Variants in RBFOX1 observed in about 807,000 individuals in gnomAD.
The protein encoded by RBFOX1 is RNA binding protein fox-1 homolog 1.
Under a neutral mutation model 57.7 loss-of-function variants are expected in RBFOX1, and 8 were observed. That is an observed-to-expected ratio of 0.14 (90% confidence interval 0.08 to 0.25). The LOEUF (loss-of-function observed/expected upper bound fraction) is 0.25. Among genes scored for constraint, RBFOX1 ranks in the 10% least tolerant of loss-of-function variants. The pLI is 1.00. For missense variants in RBFOX1, 611 were observed against 548.5 expected, an observed-to-expected ratio of 1.11 and a Z score of -1.14; for synonymous variants, 326 against 222.4, an observed-to-expected ratio of 1.47 and a Z score of -4.15.
chr16:6,527,950 A>G (rs2096604124), intron 2 of RBFOX1, among the ~76,000 whole-genome samples: 1 of 152,134 alleles, frequency 6.6e-6, no homozygotes, highest in South Asian at 2.1e-4. Flanking sequence ...TTCCCATGGC[A>G]TCGCTGAACC....
intron 3 of RBFOX1, among the ~76,000 whole-genome samples, chr16:5,856,701 C>CCTCATGAG (rs1362589084): frequency 6.7e-6 from 1 of 150,112 alleles, no homozygotes; most frequent in African/African-American, 2.5e-5. Flanking sequence ...TTTTCTTAAA[C>CCTCATGAG]CTCATGAGCC....
intron 1 of RBFOX1, among the ~76,000 whole-genome samples, chr16:5,260,437 A>ATTG (rs2062705814): frequency 6.6e-6 from 1 of 152,242 alleles, no homozygotes; most frequent in Admixed American, 6.5e-5. Context: ...AAGAAGTAGC[A>ATTG]AATTGAATGC....
intron 4 of RBFOX1, among the ~76,000 whole-genome samples, chr16:7,182,267 G>T (rs1403983664): frequency 1.3e-5 from 2 of 152,118 alleles, no homozygotes; most frequent in African/African-American, 4.8e-5. Context: ...AAACAGTGAT[G>T]CTCCTCTATA....
chr16:7,175,949 C>G (rs1453494206), intron 4 of RBFOX1, among the ~76,000 whole-genome samples: 1 of 151,998 alleles, frequency 6.6e-6, no homozygotes, highest in Admixed American at 6.6e-5. Flanking sequence ...ACTTTTAAAC[C>G]TGGAAAGCTG....
intron 1 of RBFOX1, among the ~76,000 whole-genome samples, chr16:5,323,872 C>T (rs1034511131): frequency 3.3e-5 from 5 of 152,170 alleles, no homozygotes; most frequent in African/African-American, 4.8e-5. Context: ...GGTTCAGCAG[C>T]GTTGTGATGG....
At chr16:6,527,242 G>A (rs1180719099) in intron 2 of RBFOX1, among the ~76,000 whole-genome samples, 2 of 152,006 alleles carry the variant, frequency 1.3e-5, no homozygotes, top group East Asian at 1.9e-4. Flanking sequence ...AAGTAAAGAC[G>A]CGTTACCAGT....
chr16:6,058,347 T>G (rs2095640432), intron 1 of RBFOX1, among the ~76,000 whole-genome samples: 1 of 151,602 alleles, frequency 6.6e-6, no homozygotes, highest in Non-Finnish European at 1.5e-5. Flanking sequence ...CTCTCCTTCC[T>G]CCCTCTCCTT....
At chr16:6,108,096 G>A (rs1479025099) in intron 1 of RBFOX1, among the ~76,000 whole-genome samples, 1 of 152,122 alleles carries the variant, frequency 6.6e-6, no homozygotes. Flanking sequence ...ATCAAATGAA[G>A]AGACCAACAT....
At chr16:7,504,443 G>A (rs2072085140) in intron 4 of RBFOX1, among the ~76,000 whole-genome samples, 1 of 151,208 alleles carries the variant, frequency 6.6e-6, no homozygotes, top group Non-Finnish European at 1.5e-5. Flanking sequence ...ATTTTGCCTA[G>A]GATACTAAAA....
At chr16:7,360,509 T>C (rs761831839) in intron 4 of RBFOX1, among the ~76,000 whole-genome samples, 12 of 152,290 alleles carry the variant, frequency 7.9e-5, no homozygotes, top group Non-Finnish European at 1.5e-4. Flanking sequence ...AGCTACAACC[T>C]TCCTGGTATC....
At chr16:7,183,878 C>T (rs2083213414) in intron 4 of RBFOX1, among the ~76,000 whole-genome samples, 1 of 152,158 alleles carries the variant, frequency 6.6e-6, no homozygotes, top group Admixed American at 6.5e-5. Flanking sequence ...ATGGAACCAC[C>T]ATTCTAATTG....
chr16:7,671,595 T>G lies in RBFOX1; in HGVS notation c.931-5179T>G, dbSNP rs757494481. The G allele has an allele frequency of 1.5e-5, 24 of 1,611,700 alleles. No homozygotes were observed. The highest frequency in any genetic ancestry group is 1.9e-5 in the Non-Finnish European group (22 of 1,177,946). On this transcript the variant is annotated intron_variant, in intron 13 of 15. Coordinates refer to ENST00000550418, the MANE Select transcript of RBFOX1 (RefSeq NM_018723.4). ...GAGCCTGTGTATGGCAATAAATTGC[T>G]GCAGGTATGAAATCCCGACTGGTGG... is the stretch of plus-strand genomic sequence containing the variant.
chr16:5,749,800 G>A (rs530186189), intron 3 of RBFOX1, among the ~76,000 whole-genome samples: 45 of 152,236 alleles, frequency 3.0e-4, no homozygotes, highest in African/African-American at 9.1e-4. Context: ...GCTTCTTTGC[G>A]ATGGGTTCGA....
At chr16:7,126,047 C>T (rs2346132) in intron 4 of RBFOX1, among the ~76,000 whole-genome samples, 69,089 of 151,948 alleles carry the variant, frequency 0.45, 16,812 homozygotes, top group East Asian at 0.64. Flanking sequence ...CGCACCATTG[C>T]ACTGCAGCAT....
At chr16:7,366,321 C>A (rs978745716) in intron 4 of RBFOX1, among the ~76,000 whole-genome samples, 1 of 152,234 alleles carries the variant, frequency 6.6e-6, no homozygotes, top group South Asian at 2.1e-4. Context: ...TCGTTGAGCA[C>A]CCTGGCTGAA....
At chr16:6,870,322 C>T (rs142733891) in intron 3 of RBFOX1, among the ~76,000 whole-genome samples, 52 of 152,174 alleles carry the variant, frequency 3.4e-4, no homozygotes, top group African/African-American at 1.2e-3. Flanking sequence ...TGAAATTCAG[C>T]ACTGCTAGGA....
At chr16:6,899,885 CAATG>C (rs1567785731) in intron 3 of RBFOX1, among the ~76,000 whole-genome samples, 1 of 152,134 alleles carries the variant, frequency 6.6e-6, no homozygotes, top group African/African-American at 2.4e-5. Flanking sequence ...GTGAAGTTAA[CAATG>C]AGAGAGATTT....
At chr16:6,568,678 ACT>A in intron 2 of RBFOX1, among the ~76,000 whole-genome samples, 1 of 152,224 alleles carries the variant, frequency 6.6e-6, no homozygotes, top group South Asian at 2.1e-4. Flanking sequence ...AGAACATGTA[ACT>A]CTGTATAACA....
intron 4 of RBFOX1, among the ~76,000 whole-genome samples, chr16:7,334,852 T>C (rs1329276942): frequency 6.6e-6 from 1 of 152,196 alleles, no homozygotes; most frequent in Non-Finnish European, 1.5e-5. Flanking sequence ...GTGGTCTTAC[T>C]TGTAAATCTT....
Sources: gnomAD v4.1 joint callset for allele counts (sites outside exome capture counted in the v4.1 genomes callset) on GRCh38, gnomAD v4.1.1 for gene constraint, MANE v1.5 for transcripts, NCBI Gene and HGNC (gene_info 2026-07-23, HGNC 2026-07-21) for gene names.